SH2D3C: variants seen among roughly 807,000 people sequenced by gnomAD.
SH2D3C encodes the protein SH2 domain containing 3C.
In SH2D3C, 25 loss-of-function variants were observed where a neutral mutation model predicts 75.2. The observed-to-expected ratio is 0.33, with a 90% CI of 0.24 to 0.46. SH2D3C has a LOEUF of 0.46. SH2D3C is among the 20% of genes least tolerant of loss of function. The pLI, the probability that SH2D3C is intolerant of heterozygous loss-of-function variation, is 1.00. For synonymous variants in SH2D3C, 450 were observed against 473.7 expected, an observed-to-expected ratio of 0.95 and a Z score of 0.65; for missense variants, 933 against 1,165.3, an observed-to-expected ratio of 0.80 and a Z score of 2.90.
In SH2D3C at chr9:127,762,600, C is replaced by T. The variant is rs371260775; in HGVS notation, c.516-950G>A. ...CGCCCAGTCCACCAGGAAATCCTGC[C>T]GCTCCGCCGTCAGAATCCTCTCCGC... On this transcript the variant is annotated intron_variant, in intron 2 of 11. Coordinates refer to ENST00000314830, the MANE Select transcript of SH2D3C (RefSeq NM_170600.3). Among the ~76,000 whole-genome samples, 22 of 152,348 alleles carry T rather than the reference C, an allele frequency of 1.4e-4. No individual in the cohort carries two copies. In the East Asian group the frequency reaches 4.1e-3, roughly 28 times the overall value.
chr9:127,762,444 C>A, intron 2 of SH2D3C: 1 of 593,508 alleles, frequency 1.7e-6, no homozygotes, highest in Non-Finnish European at 2.9e-6. Context: ...CTTGTGTATC[C>A]AAAGCAGAAC....
chr9:127,738,616 G>A lies in SH2D3C; in HGVS notation c.*130C>T. ...TCCACGCAGGACCCTGGAGGTGCAA[G>A]GGAGATGCTTGAGTTGAACCCAGAA... On this transcript the variant is annotated 3_prime_UTR_variant, in exon 12 of 12. Transcript: ENST00000314830. This position sits in a 1 kb window ranked among gnomAD's most constrained non-coding sequence, Gnocchi z 5.0. 1 of 984,068 alleles carries A rather than the reference G, an allele frequency of 1.0e-6. No homozygotes were observed. Among genetic ancestry groups the A allele is most frequent in the Non-Finnish European group, 1.4e-6 (1 of 697,338 alleles). 61.0% of individuals were successfully genotyped at this position (984,068 alleles called of 1,614,324 possible). A position where few individuals can be genotyped will look rare whatever the true frequency, so the allele number is the denominator to read the frequency against.
At chr9:127,747,847 C>A (rs966327243) in intron 5 of SH2D3C, among the ~76,000 whole-genome samples, 1 of 152,060 alleles carries the variant, frequency 6.6e-6, no homozygotes, top group Admixed American at 6.6e-5. Flanking sequence ...GCCATTAGCC[C>A]GGTTCCTAGT....
At chr9:127,757,602 AGATGATGATGAT>A (rs140510163) in intron 3 of SH2D3C, among the ~76,000 whole-genome samples, 43 of 138,412 alleles carry the variant, frequency 3.1e-4, no homozygotes, top group African/African-American at 7.0e-4. Context: ...CACCATACCC[AGATGATGATGAT>A]GATGATGATG....
chr9:127,745,022 C>T lies in SH2D3C; in HGVS notation c.1342G>A (p.Glu448Lys). 6.6e-7 allele frequency: 1 copy of T among 1,512,878 alleles called. No individual in the cohort carries two copies. The allele number at this position is 1,512,878 out of a possible 1,614,324, so 93.7% of individuals were successfully genotyped here. The part of the protein sequence containing the change: ...PASPVARRSS[E>K]PQLCPGSAPK... ...GCACTTCCGGGACACAGCTGGGGCT[C>T]ACTGGAACGGCGGGCGACAGGGGAG... The change falls in exon 7 of 12, where the codon GAG becomes AAG. Residue 448 changes from glutamate (E) to lysine (K), a missense_variant. Coordinates refer to ENST00000314830, the MANE Select transcript of SH2D3C (RefSeq NM_170600.3).
At chr9:127,777,768 G>A (rs1382784201) in intron 1 of SH2D3C, among the ~76,000 whole-genome samples, 1 of 152,136 alleles carries the variant, frequency 6.6e-6, no homozygotes, top group East Asian at 1.9e-4. Flanking sequence ...AAGTCAGTCA[G>A]AGAGACAGAG....
In SH2D3C at chr9:127,738,949, C is replaced by T; in HGVS notation, c.2408-28G>A. The T allele has an allele frequency of 6.6e-7, 1 of 1,516,226 alleles. No individual in the cohort carries two copies. The highest frequency in any genetic ancestry group is 1.2e-5 in the South Asian group (1 of 80,026). 93.9% of individuals were successfully genotyped at this position (1,516,226 alleles called of 1,614,324 possible). ...GCAGTGTTGGGGCATAGGGTCAGGG[C>T]AGAGGCTGGGGTTCCTGTCCAGAGC... is the stretch of plus-strand genomic sequence containing the variant. On this transcript the variant is annotated intron_variant, in intron 11 of 11. Coordinates refer to ENST00000314830, the MANE Select transcript of SH2D3C (RefSeq NM_170600.3). The surrounding 1 kb of genome is among the most constrained non-coding windows in gnomAD (Gnocchi z 5.0).
At chr9:127,764,424 C>G (rs986079030) in intron 2 of SH2D3C, among the ~76,000 whole-genome samples, 3 of 152,234 alleles carry the variant, frequency 2.0e-5, no homozygotes, top group Non-Finnish European at 4.4e-5. Flanking sequence ...ACCTATTCTC[C>G]CCGCACAGCA....
rs773556367 is a variant in SH2D3C, at chr9:127,749,429, C to T, written c.921G>A (p.Val307=). 1.2e-6 allele frequency: 2 copies of T among 1,614,224 alleles called. No homozygotes were observed. Among genetic ancestry groups the T allele is most frequent in the South Asian group, 2.2e-5 (2 of 91,090 alleles). Residue 307 remains valine (V), a synonymous_variant, in exon 5 of 12, where the codon GTG becomes GTA. Coordinates refer to ENST00000314830, the MANE Select transcript of SH2D3C (RefSeq NM_170600.3). This position sits in a 1 kb window ranked among gnomAD's most constrained non-coding sequence, Gnocchi z 5.9. The part of the protein sequence containing the change: ...VRYHVGSRKA[V]SEQSGAIIYC... ...AGATGATGGCACCACTCTGCTCTGACACAGCCTTGCGGCTGCCCACATGAT... is the reference window on the plus strand; with the variant it reads ...AGATGATGGCACCACTCTGCTCTGATACAGCCTTGCGGCTGCCCACATGAT...
At chr9:127,745,430 T>C (rs1261963025) in intron 6 of SH2D3C, among the ~76,000 whole-genome samples, 3 of 150,334 alleles carry the variant, frequency 2.0e-5, no homozygotes, top group Non-Finnish European at 3.0e-5. Flanking sequence ...TGATTGTTTC[T>C]CGACGAATTA....
In SH2D3C at chr9:127,738,701, GC is replaced by G; in HGVS notation, c.*44del. The G allele has an allele frequency of 6.6e-7, 1 of 1,511,436 alleles. No homozygotes were observed. Among genetic ancestry groups the G allele is most frequent in the Non-Finnish European group, 8.9e-7 (1 of 1,121,828 alleles). 93.6% of individuals were successfully genotyped at this position (1,511,436 alleles called of 1,614,324 possible). A position where few individuals can be genotyped will look rare whatever the true frequency, so the allele number is the denominator to read the frequency against. ...TCTGGGGAAAGTTGTGTGCCCCTCT[GC>G]CCCTGACGCTGTCCGCAGCTGCAGA... On this transcript the variant is annotated 3_prime_UTR_variant, in exon 12 of 12. Transcript: ENST00000314830. The surrounding 1 kb of genome is among the most constrained non-coding windows in gnomAD (Gnocchi z 5.0).
At chr9:127,745,127 G>A (rs371293895) in intron 6 of SH2D3C, 28 bp from the exon 7 acceptor site, 58 of 1,464,782 alleles carry the variant, frequency 4.0e-5, no homozygotes, top group East Asian at 4.7e-5. Context: ...GAGAGGCCCC[G>A]TTATAGCAGC....
chr9:127,741,371 G>A (rs1287128454), intron 9 of SH2D3C, among the ~76,000 whole-genome samples: 1 of 151,670 alleles, frequency 6.6e-6, no homozygotes, highest in Non-Finnish European at 1.5e-5. Context: ...CTCCCGAGTA[G>A]CTGGGATTAC....
Position 127,774,040 on chromosome 9 carries a change from G to A in SH2D3C, c.465C>T (p.Pro155=), listed in dbSNP as rs774530753. The A allele has an allele frequency of 2.5e-6, 4 of 1,614,086 alleles. No individual in the cohort carries two copies. Among genetic ancestry groups the A allele is most frequent in the South Asian group, 1.1e-5 (1 of 91,080 alleles). ...EVDPIRKPEV[P]TGDVEEERPP... is the part of the protein sequence containing the mutation. ...GTCTCTCCTCTTCTACGTCTCCTGT[G>A]GGGACCTCAGGCTTTCTGATGGGGT... The change falls in exon 2 of 12, where the codon CCC becomes CCT. Residue 155 remains proline, a synonymous_variant. Coordinates refer to ENST00000314830, the MANE Select transcript of SH2D3C (RefSeq NM_170600.3). The surrounding 1 kb of genome is among the most constrained non-coding windows in gnomAD (Gnocchi z 4.3).
chr9:127,749,790 C>A lies in SH2D3C; in HGVS notation c.685-125G>T. ...GACCAGACCCAGGGCATAGAGGACC[C>A]AATGAACAGAGACATCTGACATCTG... On this transcript the variant is annotated intron_variant, in intron 4 of 11. Transcript: ENST00000314830. This position sits in a 1 kb window ranked among gnomAD's most constrained non-coding sequence, Gnocchi z 5.9. 1.5e-6 allele frequency: 1 copy of A among 650,928 alleles called. No individual in the cohort carries two copies. Among genetic ancestry groups the A allele is most frequent in the Non-Finnish European group, 2.7e-6 (1 of 366,594 alleles). The allele number at this position is 650,928 out of a possible 1,614,324, so 40.3% of individuals were successfully genotyped here. A position where few individuals can be genotyped will look rare whatever the true frequency, so the allele number is the denominator to read the frequency against.
intron 1 of SH2D3C, 109 bp downstream of exon 1, chr9:127,778,482 G>A (rs955358573): frequency 1.4e-5 from 13 of 939,572 alleles, no homozygotes; most frequent in East Asian, 9.6e-5. Context: ...AAGAAAAAGA[G>A]TGAGAGAGAG....
intron 2 of SH2D3C, among the ~76,000 whole-genome samples, chr9:127,769,857 A>G (rs1396284579): frequency 6.6e-6 from 1 of 152,042 alleles, no homozygotes; most frequent in Non-Finnish European, 1.5e-5. Flanking sequence ...CCTCACTGGC[A>G]AAATGGAGCA....
intron 2 of SH2D3C, among the ~76,000 whole-genome samples, chr9:127,767,610 C>G (rs561046191): frequency 6.6e-6 from 1 of 152,178 alleles, no homozygotes; most frequent in Non-Finnish European, 1.5e-5. Context: ...CCTGAGAGGG[C>G]CCTCGGCTGG....
intron 6 of SH2D3C, among the ~76,000 whole-genome samples, chr9:127,746,498 T>C (rs1267314244): frequency 1.3e-5 from 2 of 152,196 alleles, no homozygotes; most frequent in Non-Finnish European, 2.9e-5. Flanking sequence ...CTCTAAAAAA[T>C]AAAGTCTATT....
Sources: gnomAD v4.1 joint callset for allele counts (sites outside exome capture counted in the v4.1 genomes callset) on GRCh38, gnomAD v4.1.1 for gene constraint, Gnocchi (gnomAD v3.1) non-coding constraint, MANE v1.5 for transcripts, NCBI Gene and HGNC (gene_info 2026-07-23, HGNC 2026-07-21) for gene names.